The following PEA15 variants were observed in gnomAD, a reference collection of about 807,000 sequenced individuals.
PEA15 encodes the protein astrocytic phosphoprotein PEA-15.
For missense variants in PEA15, 77 were observed against 161.3 expected, an observed-to-expected ratio of 0.48 and a Z score of 2.83; for synonymous variants, 60 against 61.8, an observed-to-expected ratio of 0.97 and a Z score of 0.13.
At position 160,213,354 on chromosome 1, in the gene PEA15, G is replaced by A. The variant is rs572464640; in HGVS notation, c.329-68G>A. The A allele has an allele frequency of 2.5e-5, 40 of 1,610,940 alleles. No homozygotes were observed. In the African/African-American group the frequency reaches 4.3e-4, roughly 17 times the overall value. ...CTTGAGTTTTGGGAGAGTGGAGGCA[G>A]ATGCCCAATGGGCCTGCCTGGCATC... On this transcript the variant is annotated intron_variant, in intron 3 of 3. Transcript: ENST00000360472. This position sits in a 1 kb window ranked among gnomAD's most constrained non-coding sequence, Gnocchi z 5.3.
chr1:160,208,629 TGCCAAGCCCCACCATG>T lies in PEA15; in HGVS notation c.-2-2909_-2-2894del. The T allele has an allele frequency of 6.4e-7, 1 of 1,550,536 alleles. No individual in the cohort carries two copies. ...CATGGAGGATGAAGGAAACAAGCTC[TGCCAAGCCCCACCATG>T]GCCAGGCCAGACCAGCCCAGGTACA... On this transcript the variant is annotated intron_variant, in intron 1 of 3. Coordinates refer to ENST00000360472, the MANE Select transcript of PEA15 (RefSeq NM_003768.5). The surrounding 1 kb of genome is among the most constrained non-coding windows in gnomAD (Gnocchi z 4.1).
At position 160,213,339 on chromosome 1, in the gene PEA15, G is replaced by T; in HGVS notation, c.328+74G>T. 2 of 1,612,174 alleles carry T rather than the reference G, an allele frequency of 1.2e-6. No individual in the cohort carries two copies. Among genetic ancestry groups the T allele is most frequent in the South Asian group, 1.1e-5 (1 of 90,982 alleles). ...ACTATCCTTGGAGTACTTGAGTTTTGGGAGAGTGGAGGCAGATGCCCAATG... is the reference window on the plus strand; with the variant it reads ...ACTATCCTTGGAGTACTTGAGTTTTTGGAGAGTGGAGGCAGATGCCCAATG... On this transcript the variant is annotated intron_variant, in intron 3 of 3. Coordinates refer to ENST00000360472, the MANE Select transcript of PEA15 (RefSeq NM_003768.5). This position sits in a 1 kb window ranked among gnomAD's most constrained non-coding sequence, Gnocchi z 5.3.
chr1:160,214,865 G>A lies in PEA15; in HGVS notation c.*1379G>A, dbSNP rs1326530948. 2 of 152,684 alleles carry A rather than the reference G, an allele frequency of 1.3e-5. No individual in the cohort carries two copies. The highest frequency in any genetic ancestry group is 1.9e-4 in the East Asian group (1 of 5,200). The allele number at this position is 152,684 out of a possible 1,614,324, so 9.5% of individuals were successfully genotyped here. A position where few individuals can be genotyped will look rare whatever the true frequency, so the allele number is the denominator to read the frequency against. ...GGATGTGGGAGTAAAACTTTAATGG[G>A]AGGGGAGGGCTGGCTGCTGGAAGAA... On this transcript the variant is annotated 3_prime_UTR_variant, in exon 4 of 4. Transcript: ENST00000360472.
chr1:160,211,978 G>A (rs1431315570), intron 2 of PEA15, among the ~76,000 whole-genome samples: 1 of 152,178 alleles, frequency 6.6e-6, no homozygotes, highest in Non-Finnish European at 1.5e-5. Context: ...AAAATTTTAA[G>A]TGGCAAAAAT....
At chr1:160,212,227 G>A (rs1474165042) in intron 2 of PEA15, among the ~76,000 whole-genome samples, 1 of 151,984 alleles carries the variant, frequency 6.6e-6, no homozygotes, top group East Asian at 1.9e-4. Context: ...AAGAATTGGT[G>A]TTTAAGATGG....
Position 160,214,299 on chromosome 1 carries a change from T to A in PEA15, c.*813T>A, listed in dbSNP as rs781686101. ...TGAGACCCTTAGGTTTTAACACGAATCCTGACACCACCATCTATAGGGTCC... is the reference window on the plus strand; with the variant it reads ...TGAGACCCTTAGGTTTTAACACGAAACCTGACACCACCATCTATAGGGTCC... On this transcript the variant is annotated 3_prime_UTR_variant, in exon 4 of 4. Transcript: ENST00000360472. 6.6e-6 allele frequency: 1 copy of A among 152,556 alleles called. No homozygotes were observed. Among genetic ancestry groups the A allele is most frequent in the Non-Finnish European group, 1.5e-5 (1 of 68,016 alleles). 9.5% of individuals were successfully genotyped at this position (152,556 alleles called of 1,614,324 possible).
chr1:160,211,455 G>A, intron 1 of PEA15, 88 bp from the exon 2 acceptor site: 13 of 1,435,192 alleles, frequency 9.1e-6, no homozygotes, highest in Admixed American at 2.1e-5. Flanking sequence ...GTAGGGCAGA[G>A]TGGGGAGTAG....
rs1164935429 is a variant in PEA15 at position 160,213,812 on chromosome 1, C to G, written c.*326C>G. ...CTACTTCCCTTTCCTCCACTCCCCCCATATCTTTAAAGTGTGGAAGCAGAA... is the reference window on the plus strand; with the variant it reads ...CTACTTCCCTTTCCTCCACTCCCCCGATATCTTTAAAGTGTGGAAGCAGAA... On this transcript the variant is annotated 3_prime_UTR_variant, in exon 4 of 4. Coordinates refer to ENST00000360472, the MANE Select transcript of PEA15 (RefSeq NM_003768.5). This position sits in a 1 kb window ranked among gnomAD's most constrained non-coding sequence, Gnocchi z 5.3. The G allele has an allele frequency of 3.1e-6, 1 of 318,918 alleles. No homozygotes were observed. The highest frequency in any genetic ancestry group is 4.6e-5 in the Admixed American group (1 of 21,916). 19.8% of individuals were successfully genotyped at this position (318,918 alleles called of 1,614,324 possible).
At position 160,213,460 on chromosome 1, in the gene PEA15, T is replaced by C; in HGVS notation, c.367T>C (p.Leu123=). The change falls in exon 4 of 4, where the codon TTG becomes CTG. Residue 123 remains leucine, a synonymous_variant. Coordinates refer to ENST00000360472, the MANE Select transcript of PEA15 (RefSeq NM_003768.5). The surrounding 1 kb of genome is among the most constrained non-coding windows in gnomAD (Gnocchi z 5.3). ...GCCCTCTGAGGAAGAGATCATCAAA[T>C]TGGCTCCCCCACCGAAGAAGGCCTG... The part of the protein sequence containing the change: ...RQPSEEEIIK[L]APPPKKA 2 of 1,613,850 alleles carry C rather than the reference T, an allele frequency of 1.2e-6. No homozygotes were observed. Among genetic ancestry groups the C allele is most frequent in the South Asian group, 1.1e-5 (1 of 91,050 alleles).
Position 160,208,543 on chromosome 1 carries a change from C to A in PEA15, c.-2-3000C>A. The A allele has an allele frequency of 1.4e-6, 2 of 1,423,314 alleles. No homozygotes were observed. Among genetic ancestry groups the A allele is most frequent in the South Asian group, 1.2e-5 (1 of 81,430 alleles). 88.2% of individuals were successfully genotyped at this position (1,423,314 alleles called of 1,614,324 possible). A position where few individuals can be genotyped will look rare whatever the true frequency, so the allele number is the denominator to read the frequency against. ...CAGAAATCAGGAGGATTTTTCAGAG[C>A]CCAGAGAGCAGATTTCTCCACGAGC... On this transcript the variant is annotated intron_variant, in intron 1 of 3. Transcript: ENST00000360472. The surrounding 1 kb of genome is among the most constrained non-coding windows in gnomAD (Gnocchi z 4.1).
Position 160,213,657 on chromosome 1 carries a change from A to G in PEA15, c.*171A>G, listed in dbSNP as rs896099738. The stretch of plus-strand genomic sequence containing the variant: ...GTGCGCACGCTCTGGCTGTTTGTCT[A>G]TATGTCTAGCTCATCTAGTTCCTCT... On this transcript the variant is annotated 3_prime_UTR_variant, in exon 4 of 4. Coordinates refer to ENST00000360472, the MANE Select transcript of PEA15 (RefSeq NM_003768.5). This position sits in a 1 kb window ranked among gnomAD's most constrained non-coding sequence, Gnocchi z 5.3. The G allele has an allele frequency of 2.0e-5, 7 of 358,810 alleles. No homozygotes were observed. Among genetic ancestry groups the G allele is most frequent in the Non-Finnish European group, 3.3e-5 (6 of 183,532 alleles). The allele number at this position is 358,810 out of a possible 1,614,324, so 22.2% of individuals were successfully genotyped here. A position where few individuals can be genotyped will look rare whatever the true frequency, so the allele number is the denominator to read the frequency against.
Position 160,214,148 on chromosome 1 carries a change from GAC to G in PEA15, c.*663_*664del. On this transcript the variant is annotated 3_prime_UTR_variant, in exon 4 of 4. Coordinates refer to ENST00000360472, the MANE Select transcript of PEA15 (RefSeq NM_003768.5). ...CCCCCACCCACCTGTACTCTGGAGA[GAC>G]TGTGCTGGGAACATGTACCACTGAG... is the stretch of plus-strand genomic sequence containing the variant. 1 of 154,734 alleles carries G rather than the reference GAC, an allele frequency of 6.5e-6. No homozygotes were observed. 9.6% of individuals were successfully genotyped at this position (154,734 alleles called of 1,614,324 possible).
At position 160,205,841 on chromosome 1, in the gene PEA15, C is replaced by G. The variant is rs1654554525; in HGVS notation, c.-3+319C>G. ...CGGCCAGGCCAGCGCCCGCCCCTCC[C>G]TCCCCGCTCAGGCTTCGGACTCGCC... On this transcript the variant is annotated intron_variant, in intron 1 of 3. Transcript: ENST00000360472. The surrounding 1 kb of genome is among the most constrained non-coding windows in gnomAD (Gnocchi z 5.9). The G allele has an allele frequency of 6.6e-6, 1 of 152,286 alleles. No individual in the cohort carries two copies. Among genetic ancestry groups the G allele is most frequent in the Admixed American group, 6.5e-5 (1 of 15,286 alleles). 9.4% of individuals were successfully genotyped at this position (152,286 alleles called of 1,614,324 possible).
At chr1:160,211,135 T>C (rs977447339) in intron 1 of PEA15, 2 of 206,190 alleles carry the variant, frequency 9.7e-6, no homozygotes, top group Non-Finnish European at 1.7e-5. Context: ...GGAGTTTTTT[T>C]TCCCTGACAT....
rs1655047382 is a variant in PEA15 at position 160,215,045 on chromosome 1, C to T, written c.*1559C>T. The stretch of plus-strand genomic sequence containing the variant: ...AAGGACCTTCCCAAGTCTCCCTTTC[C>T]CTGTCTGGCTTCTCCCTTAAGAAGA... On this transcript the variant is annotated 3_prime_UTR_variant, in exon 4 of 4. Coordinates refer to ENST00000360472, the MANE Select transcript of PEA15 (RefSeq NM_003768.5). The T allele has an allele frequency of 6.5e-6, 1 of 152,738 alleles. No homozygotes were observed. The highest frequency in any genetic ancestry group is 1.5e-5 in the Non-Finnish European group (1 of 68,162). 9.5% of individuals were successfully genotyped at this position (152,738 alleles called of 1,614,324 possible).
At chr1:160,212,930 A>G (rs1654937064) in intron 2 of PEA15, among the ~76,000 whole-genome samples, 180 bp from the exon 3 acceptor site, 1 of 152,088 alleles carries the variant, frequency 6.6e-6, no homozygotes. Flanking sequence ...AGTCCTCTGT[A>G]TTGTTGTTTG....
At position 160,213,872 on chromosome 1, in the gene PEA15, T is replaced by C. The variant is rs1416178045; in HGVS notation, c.*386T>C. ...ATTTTCCTACATTGAGGAGCTGACA[T>C]AGGGGTAAGGTATGGGAGAGGTAGG... On this transcript the variant is annotated 3_prime_UTR_variant, in exon 4 of 4. Transcript: ENST00000360472. This position sits in a 1 kb window ranked among gnomAD's most constrained non-coding sequence, Gnocchi z 5.3. 2.1e-5 allele frequency: 5 copies of C among 241,418 alleles called. No homozygotes were observed. Among genetic ancestry groups the C allele is most frequent in the South Asian group, 1.2e-4 (2 of 16,906 alleles). The allele number at this position is 241,418 out of a possible 1,614,324, so 15.0% of individuals were successfully genotyped here.
In PEA15 at chr1:160,205,923, T is replaced by C. The variant is rs1363620032; in HGVS notation, c.-3+401T>C. The C allele has an allele frequency of 1.3e-5, 2 of 152,346 alleles. No individual in the cohort carries two copies. The highest frequency in any genetic ancestry group is 3.9e-4 in the East Asian group (2 of 5,182). 9.4% of individuals were successfully genotyped at this position (152,346 alleles called of 1,614,324 possible). A position where few individuals can be genotyped will look rare whatever the true frequency, so the allele number is the denominator to read the frequency against. ...TCGGTTCCGCGGGCGGCTGGTACCA[T>C]GTGCCCTCACCCCCAGCTCACTGCA... On this transcript the variant is annotated intron_variant, in intron 1 of 3. Transcript: ENST00000360472. This position sits in a 1 kb window ranked among gnomAD's most constrained non-coding sequence, Gnocchi z 5.9.
chr1:160,210,478 C>T (rs16831580), intron 1 of PEA15, among the ~76,000 whole-genome samples: 5,390 of 152,270 alleles, frequency 0.035, 330 homozygotes, highest in African/African-American at 0.12. Flanking sequence ...GACCTTCTTT[C>T]TTCTGTCTTA....
Sources: allele counts gnomAD v4.1 joint callset (sites outside exome capture counted in the v4.1 genomes callset), GRCh38; gene constraint gnomAD v4.1.1; non-coding constraint Gnocchi (gnomAD v3.1); transcripts MANE v1.5; gene names NCBI Gene and HGNC (gene_info 2026-07-23, HGNC 2026-07-21).